The following EDIL3 variants were observed in gnomAD, a reference collection of about 807,000 sequenced individuals.
The protein encoded by EDIL3 is EGF-like repeat and discoidin I-like domain-containing protein 3.
Under a neutral mutation model 67.4 loss-of-function variants are expected in EDIL3, and 37 were observed. That is an observed-to-expected ratio of 0.55 (90% CI 0.42 to 0.72). The LOEUF (loss-of-function observed/expected upper bound fraction) is 0.72. Among genes scored for constraint, EDIL3 ranks in the 30% least tolerant of loss-of-function variants. EDIL3 has a pLI of 0.00. For synonymous variants in EDIL3, 195 were observed against 196.3 expected (o/e 0.99, Z 0.05); for missense variants, 527 against 586.3 (o/e 0.90, Z 1.04).
chr5:84,254,298 C>T (rs1745087931), intron 1 of EDIL3, 86 bp from the exon 2 acceptor site: 2 of 1,427,106 alleles, frequency 1.4e-6, no homozygotes, highest in Admixed American at 2.5e-5. Context: ...ATGGATGTTC[C>T]CTTGGCAAAG....
At chr5:84,197,461 G>C (rs1389410327) in intron 3 of EDIL3, among the ~76,000 whole-genome samples, 1 of 151,868 alleles carries the variant, frequency 6.6e-6, no homozygotes, top group East Asian at 1.9e-4. Context: ...AGGAGATGGA[G>C]ACCATCTGGC....
chr5:84,312,187 GCT>G (rs1746408349), intron 1 of EDIL3, among the ~76,000 whole-genome samples: 2 of 148,868 alleles, frequency 1.3e-5, no homozygotes, highest in East Asian at 4.1e-4. Flanking sequence ...CCGGGCGGGG[GCT>G]GACCCCCCCA....
intron 5 of EDIL3, among the ~76,000 whole-genome samples, chr5:84,123,372 C>CA (rs1402894445): frequency 6.6e-6 from 1 of 151,938 alleles, no homozygotes; most frequent in East Asian, 1.9e-4. Context: ...TCTTGTGTTT[C>CA]ATGTATGTAC....
chr5:84,060,154 T>A (rs1048130781), intron 9 of EDIL3, 146 bp downstream of exon 9: 6 of 966,400 alleles, frequency 6.2e-6, no homozygotes, highest in African/African-American at 1.7e-5. Context: ...TCATAAGGAA[T>A]TTGTGTTTTA....
chr5:84,258,822 C>T (rs549871240), intron 1 of EDIL3, among the ~76,000 whole-genome samples: 7 of 152,136 alleles, frequency 4.6e-5, no homozygotes, highest in East Asian at 1.9e-4. Flanking sequence ...TTAAAATACA[C>T]GGTAGGGATT....
intron 4 of EDIL3, among the ~76,000 whole-genome samples, chr5:84,142,572 A>T (rs61031507): frequency 0.014 from 2,163 of 152,096 alleles, 38 homozygotes; most frequent in East Asian, 0.038. Context: ...GCTACATTTA[A>T]TTCACCAACA....
chr5:84,356,889 C>CT (rs1189590387), intron 1 of EDIL3, among the ~76,000 whole-genome samples: 2,607 of 32,120 alleles, frequency 0.081, 390 homozygotes, highest in Middle Eastern at 0.14. Flanking sequence ...ATCTTTCTTT[C>CT]TTTTTTTTTT....
intron 1 of EDIL3, among the ~76,000 whole-genome samples, chr5:84,359,943 C>A (rs1298464693): frequency 6.6e-6 from 1 of 152,086 alleles, no homozygotes; most frequent in Non-Finnish European, 1.5e-5. Context: ...CTTTTCATAT[C>A]CTTAAAGATT....
chr5:84,098,300 AG>A, intron 6 of EDIL3, among the ~76,000 whole-genome samples: 1 of 152,210 alleles, frequency 6.6e-6, no homozygotes, highest in East Asian at 1.9e-4. Flanking sequence ...CTGAAAGATT[AG>A]GGGGTTACTG....
intron 4 of EDIL3, among the ~76,000 whole-genome samples, chr5:84,151,300 G>A (rs142080133): frequency 1.3e-4 from 19 of 142,286 alleles, no homozygotes; most frequent in African/African-American, 4.2e-4. Context: ...CACACACCCC[G>A]ACACTCCATG....
At chr5:84,268,771 T>G (rs1275428003) in intron 1 of EDIL3, among the ~76,000 whole-genome samples, 2 of 152,164 alleles carry the variant, frequency 1.3e-5, no homozygotes, top group Non-Finnish European at 2.9e-5. Flanking sequence ...CTTCGTACTG[T>G]TCCATTATAA....
chr5:84,233,853 A>C (rs1744629486), intron 2 of EDIL3, among the ~76,000 whole-genome samples: 1 of 152,162 alleles, frequency 6.6e-6, no homozygotes, highest in South Asian at 2.1e-4. Flanking sequence ...GCACCTTGCA[A>C]CCATGATGGG....
At chr5:84,090,517 T>G (rs550662718) in intron 6 of EDIL3, among the ~76,000 whole-genome samples, 2 of 152,266 alleles carry the variant, frequency 1.3e-5, no homozygotes, top group South Asian at 4.1e-4. Context: ...TCCCCTGGGT[T>G]CCAAATCTCA....
intron 6 of EDIL3, among the ~76,000 whole-genome samples, chr5:84,100,965 T>C (rs1747355678): frequency 6.6e-6 from 1 of 152,016 alleles, no homozygotes; most frequent in African/African-American, 2.4e-5. Context: ...AAAAAATTAG[T>C]GGAAACCAAG....
chr5:84,196,712 G>A (rs1034324033), intron 3 of EDIL3, among the ~76,000 whole-genome samples: 3 of 151,828 alleles, frequency 2.0e-5, no homozygotes, highest in East Asian at 1.9e-4. Context: ...ATTCAATATC[G>A]ATCAAAATCT....
chr5:84,326,995 CA>C (rs1378083757), intron 1 of EDIL3, among the ~76,000 whole-genome samples: 8 of 151,744 alleles, frequency 5.3e-5, no homozygotes, highest in Non-Finnish European at 4.4e-5. Flanking sequence ...AATTAACAAA[CA>C]AAAATGTTAA....
chr5:84,080,132 A>T (rs1746936593), intron 6 of EDIL3, among the ~76,000 whole-genome samples: 1 of 144,532 alleles, frequency 6.9e-6, no homozygotes, highest in East Asian at 2.0e-4. Context: ...AAAAAAAAAA[A>T]AAAAAAAAAA....
intron 6 of EDIL3, among the ~76,000 whole-genome samples, chr5:84,089,765 T>C (rs938316821): frequency 3.3e-5 from 5 of 152,196 alleles, no homozygotes; most frequent in East Asian, 1.9e-4. Context: ...CCTACAGATA[T>C]GCAACTCTTC....
intron 1 of EDIL3, among the ~76,000 whole-genome samples, chr5:84,373,180 G>A (rs1404020327): frequency 2.0e-5 from 3 of 151,862 alleles, no homozygotes; most frequent in African/African-American, 4.8e-5. Flanking sequence ...ACTACACCCC[G>A]TCATTCCTTA....
Sources: gnomAD v4.1 joint callset for allele counts (sites outside exome capture counted in the v4.1 genomes callset) on GRCh38, gnomAD v4.1.1 for gene constraint, MANE v1.5 for transcripts, NCBI Gene and HGNC (gene_info 2026-07-23, HGNC 2026-07-21) for gene names.